SLC34A2: variants seen among roughly 807,000 people sequenced by gnomAD.
The protein encoded by SLC34A2 is sodium-dependent phosphate transport protein 2B.
In SLC34A2, 41 loss-of-function variants were observed where a neutral mutation model predicts 50.8. That is an observed-to-expected ratio of 0.81 (90% confidence interval 0.63 to 1.05). SLC34A2 has a LOEUF of 1.05. Among genes scored for constraint, SLC34A2 ranks in the 50% least tolerant of loss-of-function variants. The probability of loss-of-function intolerance (pLI) is 0.00; values close to 1 mark genes in which losing one functional copy is unlikely to be tolerated. For synonymous variants in SLC34A2, 401 were observed against 364.2 expected (o/e 1.10, Z -1.15); for missense variants, 879 against 876.7 (o/e 1.00, Z -0.03).
Position 25,676,560 on chromosome 4 carries a change from G to C in SLC34A2, c.1884G>C (p.Ala628=), listed in dbSNP as rs141191689. Residue 628 remains alanine (A), a synonymous_variant, in exon 13 of 13, where the codon GCG becomes GCC. Transcript: ENST00000382051. The part of the protein sequence containing the change: ...CCCCCRVCCR[A]CCLLCDCPKC... Reference sequence around the variant, plus strand: ...GCTGCTGCCGCGTGTGCTGCCGCGCGTGCTGCTTGCTGTGTGACTGCCCCA... The same window carrying C: ...GCTGCTGCCGCGTGTGCTGCCGCGCCTGCTGCTTGCTGTGTGACTGCCCCA... The C allele has an allele frequency of 4.7e-5, 75 of 1,612,610 alleles. No homozygotes were observed. The African/African-American group carries it at 9.3e-4, about 20-fold the overall frequency.
intron 1 of SLC34A2, among the ~76,000 whole-genome samples, chr4:25,658,836 A>G (rs1374743403): frequency 6.6e-6 from 1 of 152,156 alleles, no homozygotes; most frequent in African/African-American, 2.4e-5. Flanking sequence ...CTATGGGGGT[A>G]GGAGAAAGGC....
chr4:25,668,378 C>A (rs974426664), intron 6 of SLC34A2, among the ~76,000 whole-genome samples: 1 of 152,190 alleles, frequency 6.6e-6, no homozygotes, highest in Non-Finnish European at 1.5e-5. Flanking sequence ...TGGGACTGGG[C>A]GTGGTGGCTC....
At chr4:25,674,458 C>G (rs1249985138) in intron 11 of SLC34A2, 46 bp downstream of exon 11, 4 of 1,614,230 alleles carry the variant, frequency 2.5e-6, no homozygotes, top group Non-Finnish European at 3.4e-6. Context: ...CTGCCATTTC[C>G]TGTCATCCCA....
intron 1 of SLC34A2, among the ~76,000 whole-genome samples, chr4:25,661,901 TCAC>T (rs1174018016): frequency 6.6e-6 from 1 of 151,350 alleles, no homozygotes; most frequent in Non-Finnish European, 1.5e-5. Flanking sequence ...AGAAGGAGTT[TCAC>T]TTTTGTCACC....
intron 4 of SLC34A2, 44 bp from the exon 5 acceptor site, chr4:25,666,084 G>C (rs181603361): frequency 1.9e-6 from 3 of 1,607,276 alleles, no homozygotes; most frequent in South Asian, 2.2e-5. Flanking sequence ...AATCCCCCTC[G>C]ATCACGTTGT....
At chr4:25,669,351 A>G (rs180950584) in intron 6 of SLC34A2, among the ~76,000 whole-genome samples, 9 of 152,338 alleles carry the variant, frequency 5.9e-5, no homozygotes, top group African/African-American at 1.7e-4. Flanking sequence ...GTAGCCTTCA[A>G]TATACATGAT....
At chr4:25,671,482 G>C in intron 8 of SLC34A2, 119 bp from the exon 9 acceptor site, 1 of 1,161,416 alleles carries the variant, frequency 8.6e-7, no homozygotes, top group Non-Finnish European at 1.3e-6. Flanking sequence ...CTGTTCTGTT[G>C]GGGCCATACT....
At chr4:25,661,738 C>T (rs1714195704) in intron 1 of SLC34A2, among the ~76,000 whole-genome samples, 1 of 152,068 alleles carries the variant, frequency 6.6e-6, no homozygotes. Context: ...TGTTAAATTC[C>T]ACTGGATAAG....
At chr4:25,673,026 T>C (rs937833701) in intron 9 of SLC34A2, 61 bp from the exon 10 acceptor site, 1 of 1,554,512 alleles carries the variant, frequency 6.4e-7, no homozygotes, top group Non-Finnish European at 8.9e-7. Flanking sequence ...GGGGAATAAA[T>C]AACAATCTGT....
At chr4:25,662,870 A>G (rs1247748988) in intron 3 of SLC34A2, 28 bp downstream of exon 3, 1 of 1,613,272 alleles carries the variant, frequency 6.2e-7, no homozygotes, top group Non-Finnish European at 8.5e-7. Context: ...TGAGACATTC[A>G]GGAGGGAAAC....
chr4:25,668,032 T>G (rs950539935), intron 6 of SLC34A2, 41 bp downstream of exon 6: 3 of 1,274,826 alleles, frequency 2.4e-6, no homozygotes, highest in Non-Finnish European at 3.4e-6. Context: ...TCAGCTCTAT[T>G]GTTCTTGGCC....
intron 10 of SLC34A2, among the ~76,000 whole-genome samples, chr4:25,673,734 G>A (rs1001632209): frequency 6.6e-6 from 1 of 152,150 alleles, no homozygotes; most frequent in Non-Finnish European, 1.5e-5. Flanking sequence ...AGCTCGCTAA[G>A]CCAATGACAT....
At chr4:25,655,973 T>A (rs986636925) in intron 1 of SLC34A2, 83 bp downstream of exon 1, 4 of 152,252 alleles carry the variant, frequency 2.6e-5, no homozygotes, top group Non-Finnish European at 5.9e-5. Flanking sequence ...TACCTCTCGG[T>A]GCTGACTTCA....
intron 1 of SLC34A2, among the ~76,000 whole-genome samples, chr4:25,658,229 T>C (rs921522158): frequency 1.3e-5 from 2 of 152,166 alleles, no homozygotes; most frequent in African/African-American, 4.8e-5. Flanking sequence ...AGGCACAAAG[T>C]CTTTAATAAA....
At chr4:25,659,054 C>A (rs1714044345) in intron 1 of SLC34A2, among the ~76,000 whole-genome samples, 1 of 152,004 alleles carries the variant, frequency 6.6e-6, no homozygotes, top group African/African-American at 2.4e-5. Context: ...TCAGAGCCCT[C>A]AATGTGCCTA....
chr4:25,676,006 C>A, intron 12 of SLC34A2, 129 bp from the exon 13 acceptor site: 1 of 1,463,358 alleles, frequency 6.8e-7, no homozygotes, highest in Non-Finnish European at 9.3e-7. Context: ...GCCATAAGGA[C>A]AAAGAAGGCC....
At position 25,667,913 on chromosome 4, in the gene SLC34A2, TG is replaced by T. The variant is rs1714587714; in HGVS notation, c.562del (p.Ala188ProfsTer57). 6.2e-7 allele frequency: 1 copy of T among 1,613,978 alleles called. No individual in the cohort carries two copies. Among genetic ancestry groups the T allele is most frequent in the East Asian group, 2.2e-5 (1 of 44,884 alleles). On this transcript the variant is annotated frameshift_variant, in exon 6 of 13. Coordinates refer to ENST00000382051, the MANE Select transcript of SLC34A2 (RefSeq NM_006424.3). LOFTEE classifies it high-confidence loss of function. ...GTTCGGGCTGCCATCCCCATTATCATGGGGGCCAACATTGGAACGTCAATCA... is the reference window on the plus strand; with the variant it reads ...GTTCGGGCTGCCATCCCCATTATCATGGGGCCAACATTGGAACGTCAATCA... ...LTVRAAIPII[M>X]GANIGTSITN...
chr4:25,674,231 A>C (rs1577503524), intron 10 of SLC34A2, 65 bp from the exon 11 acceptor site: 1 of 1,239,582 alleles, frequency 8.1e-7, no homozygotes. Flanking sequence ...CCCAGCCCCT[A>C]CCCCAGGCCA....
Position 25,671,728 on chromosome 4 carries a change from G to A in SLC34A2, c.1048+7G>A, listed in dbSNP as rs1714827124. On this transcript the variant is annotated splice_region_variant and intron_variant, in intron 9 of 12. Transcript: ENST00000382051. ...AAGGAGAACATCGCCAAATGTGAGT[G>A]GAGCTCAGTGGATTGGCCACTATGA... is the stretch of plus-strand genomic sequence containing the variant. 6.2e-7 allele frequency: 1 copy of A among 1,614,222 alleles called. No homozygotes were observed. Among genetic ancestry groups the A allele is most frequent in the East Asian group, 2.2e-5 (1 of 44,880 alleles).
Sources: allele counts gnomAD v4.1 joint callset (sites outside exome capture counted in the v4.1 genomes callset), GRCh38; gene constraint gnomAD v4.1.1; transcripts MANE v1.5; gene names NCBI Gene and HGNC (gene_info 2026-07-23, HGNC 2026-07-21).